Variants in SERPINI1 observed in about 807,000 individuals in gnomAD.
The protein encoded by SERPINI1 is neuroserpin.
Under a neutral mutation model 41.1 loss-of-function variants are expected in SERPINI1, and 19 were observed. That is an observed-to-expected ratio of 0.46 (90% CI 0.32 to 0.68). The LOEUF is 0.68. Among genes scored for constraint, SERPINI1 ranks in the 30% least tolerant of loss-of-function variants. The pLI is 0.03. For missense variants in SERPINI1, 460 were observed against 479.2 expected, an observed-to-expected ratio of 0.96 and a Z score of 0.37; for synonymous variants, 138 against 156.6, an observed-to-expected ratio of 0.88 and a Z score of 0.89.
intron 1 of SERPINI1, among the ~76,000 whole-genome samples, chr3:167,779,058 A>C (rs1164111683): frequency 3.3e-5 from 5 of 152,154 alleles, no homozygotes; most frequent in Non-Finnish European, 7.3e-5. Context: ...GTTCTACCAA[A>C]TCATTTTGGG....
intron 1 of SERPINI1, among the ~76,000 whole-genome samples, chr3:167,750,805 TA>T (rs748091937): frequency 5.9e-5 from 9 of 152,138 alleles, no homozygotes; most frequent in Non-Finnish European, 1.2e-4. Context: ...TTCTGCAATA[TA>T]ATTATGATCT....
At chr3:167,753,718 G>T (rs955189442) in intron 1 of SERPINI1, among the ~76,000 whole-genome samples, 4 of 152,106 alleles carry the variant, frequency 2.6e-5, no homozygotes, top group African/African-American at 9.7e-5. Context: ...CTAAAGCAAA[G>T]ATTAAGGAAA....
At chr3:167,812,351 C>T (rs921929202) in intron 6 of SERPINI1, among the ~76,000 whole-genome samples, 3 of 152,200 alleles carry the variant, frequency 2.0e-5, no homozygotes, top group Non-Finnish European at 4.4e-5. Context: ...ATACACAACT[C>T]CTGCCCAGCC....
At position 167,745,009 on chromosome 3, in the gene SERPINI1, A is replaced by T. The variant is rs1243246537; in HGVS notation, c.-19+9186A>T. Among the ~76,000 whole-genome samples, 3 of 150,554 alleles carry T rather than the reference A, an allele frequency of 2.0e-5. No individual in the cohort carries two copies. The East Asian group carries it at 5.8e-4, about 29-fold the overall frequency. On this transcript the variant is annotated intron_variant, in intron 1 of 8. Coordinates refer to ENST00000446050, the MANE Select transcript of SERPINI1 (RefSeq NM_001122752.2). ...GGGAACCTAATATAGTAAAGAGGAGACATCACTACCAATCTTACATAAATA... is the reference window on the plus strand; with the variant it reads ...GGGAACCTAATATAGTAAAGAGGAGTCATCACTACCAATCTTACATAAATA...
intron 2 of SERPINI1, among the ~76,000 whole-genome samples, chr3:167,790,030 C>T (rs116194427): frequency 0.013 from 1,957 of 152,116 alleles, 38 homozygotes; most frequent in African/African-American, 0.043. Flanking sequence ...AAAGGATGAT[C>T]TTGAATTTTA....
intron 1 of SERPINI1, among the ~76,000 whole-genome samples, chr3:167,758,759 A>G (rs978913316): frequency 6.6e-6 from 1 of 152,190 alleles, no homozygotes; most frequent in African/African-American, 2.4e-5. Flanking sequence ...TTACTCAATA[A>G]CATTGTATCA....
chr3:167,805,605 G>A (rs1711603410), intron 5 of SERPINI1, among the ~76,000 whole-genome samples: 1 of 152,118 alleles, frequency 6.6e-6, no homozygotes. Flanking sequence ...TAGATATGAA[G>A]TCTTTGCCCA....
intron 1 of SERPINI1, among the ~76,000 whole-genome samples, chr3:167,758,831 G>T (rs1282754897): frequency 6.6e-6 from 1 of 152,146 alleles, no homozygotes; most frequent in East Asian, 1.9e-4. Context: ...AACATTTAGA[G>T]AAACTGAATG....
chr3:167,798,712 A>G (rs1407514394), intron 5 of SERPINI1, among the ~76,000 whole-genome samples: 2 of 152,150 alleles, frequency 1.3e-5, no homozygotes, highest in South Asian at 4.1e-4. Flanking sequence ...GCTAGAATTT[A>G]TACAAACAGC....
chr3:167,807,869 T>C lies in SERPINI1; in HGVS notation c.979+528T>C, dbSNP rs138393630. Among the ~76,000 whole-genome samples the C allele has an allele frequency of 4.5e-3, 690 of 151,952 alleles. 7 individuals are homozygous for C. Among genetic ancestry groups the C allele is most frequent in the African/African-American group, 0.016 (651 of 41,452 alleles). ...TAGTGGCTCATGCCTGTAATCCTAG[T>C]ACTTTGGGAGGCTGAGGTGGGGGGA... On this transcript the variant is annotated intron_variant, in intron 6 of 8. Transcript: ENST00000446050.
At chr3:167,743,933 T>G (rs1216011210) in intron 1 of SERPINI1, among the ~76,000 whole-genome samples, 1 of 152,104 alleles carries the variant, frequency 6.6e-6, no homozygotes, top group African/African-American at 2.4e-5. Flanking sequence ...TCACACTACC[T>G]TGTTTTATAA....
chr3:167,737,913 A>C (rs60800951), intron 1 of SERPINI1, among the ~76,000 whole-genome samples: 42,974 of 151,838 alleles, frequency 0.28, 6,901 homozygotes, highest in African/African-American at 0.44. Context: ...CAAGATTTGG[A>C]TCCTTTTTAC....
intron 1 of SERPINI1, among the ~76,000 whole-genome samples, chr3:167,783,360 T>C (rs1727204287): frequency 6.6e-6 from 1 of 152,046 alleles, no homozygotes; most frequent in Admixed American, 6.6e-5. Context: ...TAGGTTTGAT[T>C]GATAAGATAA....
At chr3:167,811,790 G>GAC (rs1711899007) in intron 6 of SERPINI1, among the ~76,000 whole-genome samples, 1 of 152,096 alleles carries the variant, frequency 6.6e-6, no homozygotes, top group Non-Finnish European at 1.5e-5. Context: ...GCCTACACAG[G>GAC]ACAGTCCAGG....
chr3:167,744,784 ATGGT>A, intron 1 of SERPINI1, among the ~76,000 whole-genome samples: 1 of 103,896 alleles, frequency 9.6e-6, no homozygotes, highest in South Asian at 2.6e-4. Flanking sequence ...ATATATAACT[ATGGT>A]TATATATATA....
At chr3:167,759,775 A>C (rs1481202019) in intron 1 of SERPINI1, among the ~76,000 whole-genome samples, 1 of 152,170 alleles carries the variant, frequency 6.6e-6, no homozygotes, top group Non-Finnish European at 1.5e-5. Context: ...ACTAAAATAA[A>C]AATAAATGAA....
At chr3:167,750,419 A>G (rs1249775031) in intron 1 of SERPINI1, among the ~76,000 whole-genome samples, 2 of 152,234 alleles carry the variant, frequency 1.3e-5, no homozygotes, top group Non-Finnish European at 2.9e-5. Flanking sequence ...CATAGAAATT[A>G]ATGAAATAGA....
chr3:167,737,418 A>G (rs1424739345), intron 1 of SERPINI1, among the ~76,000 whole-genome samples: 1 of 152,182 alleles, frequency 6.6e-6, no homozygotes, highest in Non-Finnish European at 1.5e-5. Context: ...TATCTTTGCT[A>G]CAGCACTGGA....
intron 1 of SERPINI1, among the ~76,000 whole-genome samples, chr3:167,765,858 G>T (rs1405812741): frequency 6.6e-6 from 1 of 152,126 alleles, no homozygotes; most frequent in African/African-American, 2.4e-5. Flanking sequence ...CAGATCTCTA[G>T]GGCAGGGGCA....
Sources: allele counts gnomAD v4.1 joint callset (sites outside exome capture counted in the v4.1 genomes callset), GRCh38; gene constraint gnomAD v4.1.1; transcripts MANE v1.5; gene names NCBI Gene and HGNC (gene_info 2026-07-23, HGNC 2026-07-21).